Variants in MYH16 observed in about 807,000 individuals in gnomAD.
MYH16 encodes the protein putative uncharacterized protein MYH16.
At chr7:99,301,126 C>T (rs988992069) in intron 37 of MYH16, among the ~76,000 whole-genome samples, 6 of 128,334 alleles carry the variant, frequency 4.7e-5, no homozygotes, top group African/African-American at 1.2e-4. Flanking sequence ...ACCCGGGAGG[C>T]GGAGATTGTA....
At chr7:99,249,609 TTGCTCTGCCACCCGGGCTGGAG>T (rs1250039612) in intron 4 of MYH16, among the ~76,000 whole-genome samples, 21 of 144,714 alleles carry the variant, frequency 1.5e-4, no homozygotes, top group African/African-American at 5.4e-4. Flanking sequence ...AGATGGAGTC[TTGCTCTGCCACCCGGGCTGGAG>T]TGCAGCCTCC....
chr7:99,302,296 T>C (rs553333941), intron 38 of MYH16, among the ~76,000 whole-genome samples: 145 of 97,416 alleles, frequency 1.5e-3, no homozygotes, highest in Non-Finnish European at 2.2e-3. Context: ...AGAGTGACCA[T>C]CTCAAAAAAA....
At chr7:99,294,114 G>A in exon 33 of MYH16, 1 of 456,274 alleles carries the variant, frequency 2.2e-6, no homozygotes, top group Admixed American at 2.4e-5. Context: ...AGAGACTCCA[G>A]GCAGAAGTTG....
chr7:99,290,524 G>A (rs1792356149), intron 30 of MYH16, among the ~76,000 whole-genome samples: 1 of 149,980 alleles, frequency 6.7e-6, no homozygotes, highest in African/African-American at 2.5e-5. Context: ...ATCCAGCCGT[G>A]TGCAGTGGCT....
At chr7:99,302,745 G>A (rs1792619369) in intron 38 of MYH16, among the ~76,000 whole-genome samples, 1 of 151,954 alleles carries the variant, frequency 6.6e-6, no homozygotes, top group Non-Finnish European at 1.5e-5. Flanking sequence ...GTTGGGTGTG[G>A]TGGTGTGCAT....
Position 99,293,998 on chromosome 7 carries a change from C to T in MYH16, n.4150-20C>T, listed in dbSNP as rs1391932885. On this transcript the variant is annotated intron_variant and non_coding_transcript_variant, in intron 32 of 41. Coordinates refer to ENST00000439784, the Ensembl canonical transcript of MYH16. ...AAGTGCCTATGTTTCCTTGACAGCC[C>T]CTCTGGCCCTCATTTGCAGGAGGAA... 2.2e-6 allele frequency: 1 copy of T among 445,712 alleles called. No individual in the cohort carries two copies. The highest frequency in any genetic ancestry group is 2.0e-5 in the African/African-American group (1 of 49,598). 27.6% of individuals were successfully genotyped at this position (445,712 alleles called of 1,614,324 possible).
intron 37 of MYH16, among the ~76,000 whole-genome samples, chr7:99,301,380 T>C (rs1045605413): frequency 3.0e-4 from 45 of 152,138 alleles, no homozygotes; most frequent in Non-Finnish European, 1.3e-4. Context: ...GTTGACCTTA[T>C]GTTAGATAAC....
At chr7:99,295,485 C>A (rs763147910) in intron 33 of MYH16, among the ~76,000 whole-genome samples, 1 of 152,120 alleles carries the variant, frequency 6.6e-6, no homozygotes, top group Non-Finnish European at 1.5e-5. Context: ...TATTTGCATC[C>A]CTGGTTCAAA....
chr7:99,244,024 T>G (rs1348862371), intron 2 of MYH16, among the ~76,000 whole-genome samples: 1 of 151,936 alleles, frequency 6.6e-6, no homozygotes, highest in African/African-American at 2.4e-5. Context: ...CGTCAATCTA[T>G]TCATCCACCT....
intron 20 of MYH16, among the ~76,000 whole-genome samples, chr7:99,276,202 T>C (rs1792109865): frequency 6.6e-6 from 1 of 152,342 alleles, no homozygotes; most frequent in African/African-American, 2.4e-5. Flanking sequence ...TGCAACCTTT[T>C]CATGCCAGCT....
chr7:99,253,373 GAATA>G (rs993573945), intron 7 of MYH16: 6 of 151,946 alleles, frequency 3.9e-5, no homozygotes, highest in Admixed American at 6.6e-5. Context: ...AAAAATAAAT[GAATA>G]AATAAATAAT....
chr7:99,298,317 C>T (rs2150834150), intron 36 of MYH16, among the ~76,000 whole-genome samples: 1 of 151,432 alleles, frequency 6.6e-6, no homozygotes, highest in East Asian at 1.9e-4. Flanking sequence ...ACTGCAACTT[C>T]CGCCTCCTGG....
rs188576104 is a variant in MYH16 at position 99,273,170 on chromosome 7, G to A, written n.2404-172G>A. ...CGTGCTGCTAAGCTCTGACCCCAAC[G>A]TGAGTCTCCCTGCCGCAGACCACAT... On this transcript the variant is annotated intron_variant and non_coding_transcript_variant, in intron 19 of 41. Coordinates refer to ENST00000439784, the Ensembl canonical transcript of MYH16. Among the ~76,000 whole-genome samples, 42 of 152,258 alleles carry A rather than the reference G, an allele frequency of 2.8e-4. 1 individual carries two copies. The East Asian group carries it at 7.1e-3, about 26-fold the overall frequency.
At chr7:99,304,811 G>T (rs535713858) in intron 40 of MYH16, 55 bp downstream of exon 21, 1 of 152,652 alleles carries the variant, frequency 6.6e-6, no homozygotes, top group Non-Finnish European at 1.5e-5. Flanking sequence ...GCGGGGCGGG[G>T]GGTATGTGTG....
At chr7:99,257,403 G>T in exon 10 of MYH16, 1 of 168,732 alleles carries the variant, frequency 5.9e-6, no homozygotes, top group Non-Finnish European at 1.3e-5. Context: ...TCAAGCAGAA[G>T]CCCAGAGACG....
rs370642460 is a variant in MYH16, at chr7:99,296,721, C to T, written n.4303C>T. 2.5e-4 allele frequency: 116 copies of T among 455,920 alleles called. 1 individual carries two copies. Among genetic ancestry groups the T allele is most frequent in the African/African-American group, 2.0e-3 (100 of 50,066 alleles). 28.2% of individuals were successfully genotyped at this position (455,920 alleles called of 1,614,324 possible). A position where few individuals can be genotyped will look rare whatever the true frequency, so the allele number is the denominator to read the frequency against. ...CCTAGGCCAATGCTGCAGCTGCTGC[C>T]CTGGACAAGAAGCAGAGGCTCTTTG... On this transcript the variant is annotated non_coding_transcript_exon_variant, in exon 34 of 42. Coordinates refer to ENST00000439784, the Ensembl canonical transcript of MYH16.
intron 34 of MYH16, 73 bp downstream of exon 15, chr7:99,296,990 C>T: frequency 2.3e-6 from 1 of 434,072 alleles, no homozygotes; most frequent in Non-Finnish European, 4.7e-6. Flanking sequence ...TCATCCTGAG[C>T]ACATCATCAG....
chr7:99,256,957 T>C (rs1324746644), intron 9 of MYH16, among the ~76,000 whole-genome samples: 1 of 152,132 alleles, frequency 6.6e-6, no homozygotes, highest in African/African-American at 2.4e-5. Context: ...TCTCAAAAAA[T>C]AATAAAATAA....
At chr7:99,240,368 G>C (rs1418526929) in intron 1 of MYH16, among the ~76,000 whole-genome samples, 1 of 151,964 alleles carries the variant, frequency 6.6e-6, no homozygotes, top group African/African-American at 2.4e-5. Flanking sequence ...CATTGCACCC[G>C]GCCACTTTTC....
Sources: gnomAD v4.1 joint callset for allele counts (sites outside exome capture counted in the v4.1 genomes callset) on GRCh38, gnomAD v4.1.1 for gene constraint, MANE v1.5 for transcripts, NCBI Gene and HGNC (gene_info 2026-07-23, HGNC 2026-07-21) for gene names.